The following UNC5D variants were observed in gnomAD, a reference collection of about 807,000 sequenced individuals.
The protein encoded by UNC5D is netrin receptor UNC5D.
A neutral mutation model predicts 105.4 loss-of-function variants in UNC5D; 39 were observed. That is an observed-to-expected ratio of 0.37 (90% CI 0.29 to 0.48). UNC5D has a LOEUF of 0.48. UNC5D is among the 20% of genes least tolerant of loss of function. The pLI is 0.98. For synonymous variants in UNC5D, 452 were observed against 450.4 expected (o/e 1.00, Z -0.04); for missense variants, 991 against 1,202.4 (o/e 0.82, Z 2.60).
intron 1 of UNC5D, among the ~76,000 whole-genome samples, chr8:35,402,261 G>A (rs1275488202): frequency 6.6e-6 from 1 of 152,158 alleles, no homozygotes; most frequent in Non-Finnish European, 1.5e-5. Flanking sequence ...AGAAAAAGAG[G>A]TTTAATGAAC....
intron 2 of UNC5D, among the ~76,000 whole-genome samples, chr8:35,560,820 C>T (rs1259820045): frequency 6.6e-6 from 1 of 152,150 alleles, no homozygotes; most frequent in African/African-American, 2.4e-5. Context: ...GCACTTTGCT[C>T]TGCTGATCAC....
chr8:35,538,615 A>T (rs1266695648), intron 1 of UNC5D, among the ~76,000 whole-genome samples: 1 of 151,696 alleles, frequency 6.6e-6, no homozygotes, highest in African/African-American at 2.4e-5. Context: ...TAGGGGAATG[A>T]TGGTGGTGAT....
chr8:35,612,438 G>T (rs1396209279), intron 4 of UNC5D, among the ~76,000 whole-genome samples: 1 of 152,084 alleles, frequency 6.6e-6, no homozygotes, highest in African/African-American at 2.4e-5. Context: ...GGGGAAAGGA[G>T]ATCATTTTCC....
intron 8 of UNC5D, among the ~76,000 whole-genome samples, chr8:35,711,381 C>T (rs544717159): frequency 1.3e-5 from 2 of 152,088 alleles, no homozygotes; most frequent in South Asian, 2.1e-4. Flanking sequence ...GGTTTCACCA[C>T]GTTGCCCAGG....
chr8:35,712,661 T>C (rs1452931103), intron 8 of UNC5D, among the ~76,000 whole-genome samples: 1 of 152,214 alleles, frequency 6.6e-6, no homozygotes, highest in Non-Finnish European at 1.5e-5. Context: ...TTGATCCATA[T>C]TCTTTATGAT....
rs1205387144 is a variant in UNC5D at position 35,357,932 on chromosome 8, G to C, written c.103+122045G>C. On this transcript the variant is annotated intron_variant, in intron 1 of 16. Transcript: ENST00000404895. Reference sequence around the variant, plus strand: ...TGTTTCTTTGCTTATTACCTTCTTGGTAGTGAAAAAAAAGCAGGTAAGATT... The same window carrying C: ...TGTTTCTTTGCTTATTACCTTCTTGCTAGTGAAAAAAAAGCAGGTAAGATT... Among the ~76,000 whole-genome samples the C allele has an allele frequency of 2.7e-5, 4 of 150,410 alleles. 1 individual carries two copies. Among genetic ancestry groups the C allele is most frequent in the South Asian group, 4.2e-4 (2 of 4,744 alleles).
At chr8:35,525,717 G>A (rs1813824343) in intron 1 of UNC5D, 5 of 1,591,554 alleles carry the variant, frequency 3.1e-6, no homozygotes, top group Non-Finnish European at 4.3e-6. Flanking sequence ...CGTCCGGCAC[G>A]ACACCTGGCT....
chr8:35,573,535 A>G (rs1332541387), intron 3 of UNC5D, among the ~76,000 whole-genome samples: 2 of 152,322 alleles, frequency 1.3e-5, no homozygotes, highest in East Asian at 3.9e-4. Context: ...CAGGTCCTGA[A>G]TCTTTCAAAC....
chr8:35,655,662 A>G (rs1004807645), intron 4 of UNC5D, among the ~76,000 whole-genome samples: 1 of 152,224 alleles, frequency 6.6e-6, no homozygotes, highest in African/African-American at 2.4e-5. Flanking sequence ...GATTGAAGAC[A>G]CTAAGTCTTA....
At chr8:35,497,136 A>G (rs1275756780) in intron 1 of UNC5D, among the ~76,000 whole-genome samples, 2 of 152,192 alleles carry the variant, frequency 1.3e-5, no homozygotes, top group Non-Finnish European at 2.9e-5. Context: ...ATAGTCATGG[A>G]GAAATAGAAT....
At chr8:35,247,411 C>A (rs576859687) in intron 1 of UNC5D, among the ~76,000 whole-genome samples, 1 of 146,454 alleles carries the variant, frequency 6.8e-6, no homozygotes, top group East Asian at 2.0e-4. Context: ...GTTAGGGTGC[C>A]TTAAGTCTTA....
chr8:35,498,756 G>A (rs553888681), intron 1 of UNC5D, among the ~76,000 whole-genome samples: 228 of 152,126 alleles, frequency 1.5e-3, no homozygotes, highest in Non-Finnish European at 2.8e-3. Context: ...CCACAAACCC[G>A]GATTTCTTGG....
intron 1 of UNC5D, among the ~76,000 whole-genome samples, chr8:35,249,243 A>G (rs1395714847): frequency 6.7e-6 from 1 of 148,498 alleles, no homozygotes; most frequent in Admixed American, 6.9e-5. Flanking sequence ...ACATCCAAAA[A>G]GAGTGACTGG....
intron 3 of UNC5D, among the ~76,000 whole-genome samples, chr8:35,578,042 T>G (rs1215318698): frequency 1.3e-5 from 2 of 151,926 alleles, no homozygotes; most frequent in East Asian, 1.9e-4. Flanking sequence ...CTGGCCAACA[T>G]GGTGAAACCT....
intron 8 of UNC5D, among the ~76,000 whole-genome samples, chr8:35,707,781 C>A (rs191084942): frequency 6.6e-6 from 1 of 152,120 alleles, no homozygotes; most frequent in Non-Finnish European, 1.5e-5. Context: ...GCATAAACCC[C>A]GCAGAAGCCA....
At chr8:35,693,544 C>T (rs1158143517) in intron 7 of UNC5D, among the ~76,000 whole-genome samples, 1 of 152,108 alleles carries the variant, frequency 6.6e-6, no homozygotes, top group Admixed American at 6.5e-5. Flanking sequence ...TGCCTTTTGT[C>T]ATCCAGAAAA....
chr8:35,292,713 T>C (rs531108641), intron 1 of UNC5D, among the ~76,000 whole-genome samples: 1 of 143,764 alleles, frequency 7.0e-6, no homozygotes, highest in South Asian at 2.3e-4. Flanking sequence ...CTCCTTTTTT[T>C]TCCTTTTTTT....
chr8:35,420,132 G>C (rs1187685383), intron 1 of UNC5D, among the ~76,000 whole-genome samples: 1 of 152,136 alleles, frequency 6.6e-6, no homozygotes, highest in Non-Finnish European at 1.5e-5. Context: ...ATTTCACCAG[G>C]GACCTGTGCC....
intron 1 of UNC5D, among the ~76,000 whole-genome samples, chr8:35,430,037 T>C (rs116486544): frequency 0.015 from 2,256 of 152,186 alleles, 66 homozygotes; most frequent in African/African-American, 0.052. Flanking sequence ...GTCCCCAAGG[T>C]GATGTCTTTT....
Sources: gnomAD v4.1 joint callset for allele counts (sites outside exome capture counted in the v4.1 genomes callset) on GRCh38, gnomAD v4.1.1 for gene constraint, MANE v1.5 for transcripts, NCBI Gene and HGNC (gene_info 2026-07-23, HGNC 2026-07-21) for gene names.